The following MTF1 variants were observed in gnomAD, a reference collection of about 807,000 sequenced individuals.
MTF1 encodes the protein metal regulatory transcription factor 1, also known as MRE-binding transcription factor.
MTF1 carries 22 observed loss-of-function variants against 70.4 expected under a neutral mutation model. The observed-to-expected ratio is 0.31, with a 90% confidence interval of 0.22 to 0.45. MTF1 has a LOEUF of 0.45. MTF1 is among the 20% of genes least tolerant of loss of function. The probability of loss-of-function intolerance (pLI) is 1.00; values close to 1 mark genes in which losing one functional copy is unlikely to be tolerated. For synonymous variants in MTF1, 333 were observed against 352.8 expected, an observed-to-expected ratio of 0.94 and a Z score of 0.63; for missense variants, 649 against 922.0, an observed-to-expected ratio of 0.70 and a Z score of 3.83.
chr1:37,845,969 A>C (rs941503873), intron 2 of MTF1, among the ~76,000 whole-genome samples: 8 of 152,152 alleles, frequency 5.3e-5, no homozygotes, highest in Admixed American at 5.2e-4. Context: ...AATAGCACAA[A>C]ATTTCACAAA....
Position 37,811,388 on chromosome 1 carries a change from G to A in MTF1, c.*3748C>T, listed in dbSNP as rs1201737854. On this transcript the variant is annotated 3_prime_UTR_variant, in exon 11 of 11. Transcript: ENST00000373036. ...CCAGGCCAGGGCCACATGGGACAAC[G>A]ACCATCAAGCTACACATATTGCACC... The A allele has an allele frequency of 1.3e-5, 2 of 152,612 alleles. No individual in the cohort carries two copies. The highest frequency in any genetic ancestry group is 1.3e-4 in the Admixed American group (2 of 15,286). The allele number at this position is 152,612 out of a possible 1,614,324, so 9.5% of individuals were successfully genotyped here.
intron 7 of MTF1, chr1:37,826,461 T>G: frequency 2.6e-6 from 1 of 390,766 alleles, no homozygotes; most frequent in Non-Finnish European, 5.0e-6. Flanking sequence ...TTAAAAATTA[T>G]TTTTAGTAGA....
chr1:37,829,578 C>G (rs1430993678), intron 7 of MTF1, among the ~76,000 whole-genome samples: 1 of 151,904 alleles, frequency 6.6e-6, no homozygotes, highest in Admixed American at 6.6e-5. Context: ...GTCAGGAGAT[C>G]GAGACCATCC....
At chr1:37,825,386 C>G (rs550357459) in intron 7 of MTF1, among the ~76,000 whole-genome samples, 1 of 152,040 alleles carries the variant, frequency 6.6e-6, no homozygotes, top group South Asian at 2.1e-4. Context: ...CAGGTATGGG[C>G]CACCACATCT....
chr1:37,840,261 C>G lies in MTF1; in HGVS notation c.409-103G>C. The G allele has an allele frequency of 9.5e-7, 1 of 1,054,320 alleles. No homozygotes were observed. Among genetic ancestry groups the G allele is most frequent in the Non-Finnish European group, 1.4e-6 (1 of 704,290 alleles). The allele number at this position is 1,054,320 out of a possible 1,614,324, so 65.3% of individuals were successfully genotyped here. A position where few individuals can be genotyped will look rare whatever the true frequency, so the allele number is the denominator to read the frequency against. On this transcript the variant is annotated intron_variant, in intron 2 of 10. Coordinates refer to ENST00000373036, the MANE Select transcript of MTF1 (RefSeq NM_005955.3). The surrounding 1 kb of genome is among the most constrained non-coding windows in gnomAD (Gnocchi z 4.5). ...CCAAGAGATGCTGTGGACAATACAA[C>G]TGGGTTTTCATCATAAACACAGAAA...
chr1:37,833,359 CTG>C (rs1335760353), intron 6 of MTF1, among the ~76,000 whole-genome samples: 4 of 152,230 alleles, frequency 2.6e-5, no homozygotes, highest in Non-Finnish European at 5.9e-5. Flanking sequence ...CCTTCCACCA[CTG>C]TGTTTCCCAC....
Position 37,851,157 on chromosome 1 carries a change from T to G in MTF1, c.408+6094A>C, listed in dbSNP as rs143481209. The stretch of plus-strand genomic sequence containing the variant: ...TGAATGTCTGGTCATTAAGCAAGAT[T>G]TTCGAAGACTAAAGCTACTGCTACT... On this transcript the variant is annotated intron_variant, in intron 2 of 10. Transcript: ENST00000373036. 2.8e-4 allele frequency among the ~76,000 whole-genome samples: 43 copies of G among 152,240 alleles called. No homozygotes were observed. The East Asian group carries it at 7.0e-3, about 25-fold the overall frequency.
rs376461410 is a variant in MTF1 at position 37,822,477 on chromosome 1, G to A, written c.1411C>T (p.Pro471Ser). 6.2e-7 allele frequency: 1 copy of A among 1,614,080 alleles called. No homozygotes were observed. The highest frequency in any genetic ancestry group is 1.1e-5 in the South Asian group (1 of 91,080). Residue 471 changes from proline to serine, a missense_variant, in exon 9 of 11, where the codon CCT becomes TCT. Around this residue, in one of 7 missense-constraint regions of MTF1, gnomAD observed 267 missense variants for 292.1 expected, o/e 0.91. Transcript: ENST00000373036. ...PPALLQPPEV[P>S]VPHSTQFAAN... ...GCAAACTGTGTGCTGTGGGGAACAG[G>A]CACTTCTGGAGGTTGTAAGAGAGCA...
rs1302494975 is a variant in MTF1, at chr1:37,823,694, A to G, written c.1171+16T>C. 1.9e-6 allele frequency: 3 copies of G among 1,581,520 alleles called. No individual in the cohort carries two copies. Among genetic ancestry groups the G allele is most frequent in the Non-Finnish European group, 2.6e-6 (3 of 1,150,442 alleles). On this transcript the variant is annotated intron_variant, in intron 8 of 10. Transcript: ENST00000373036. Reference sequence around the variant, plus strand: ...CAAGTGCTTAGATGTGAGTAGAAAGAGTCCGTGTGACAAACCTGTCTGTTG... The same window carrying G: ...CAAGTGCTTAGATGTGAGTAGAAAGGGTCCGTGTGACAAACCTGTCTGTTG...
chr1:37,841,996 G>C (rs1040066037), intron 2 of MTF1, among the ~76,000 whole-genome samples: 2 of 151,676 alleles, frequency 1.3e-5, no homozygotes. Flanking sequence ...GATTGCTACT[G>C]CACTCCAGCT....
rs781618362 is a variant in MTF1 at position 37,840,334 on chromosome 1, T to C, written c.409-176A>G. 5.1e-4 allele frequency among the ~76,000 whole-genome samples: 78 copies of C among 152,220 alleles called. 1 individual carries two copies. Among genetic ancestry groups the C allele is most frequent in the Admixed American group, 4.6e-4 (7 of 15,288 alleles). On this transcript the variant is annotated intron_variant, in intron 2 of 10. Transcript: ENST00000373036. The surrounding 1 kb of genome is among the most constrained non-coding windows in gnomAD (Gnocchi z 4.5). ...AAAAACCTTATTGTTGATCAAATCA[T>C]ACCTGGACAACACATAATGATTTAT...
At chr1:37,836,798 G>T (rs1243731026) in intron 4 of MTF1, among the ~76,000 whole-genome samples, 1 of 151,976 alleles carries the variant, frequency 6.6e-6, no homozygotes. Context: ...CTTCTCTAAA[G>T]CATTTTCATT....
Position 37,809,683 on chromosome 1 carries a change from T to A in MTF1, c.*5453A>T, listed in dbSNP as rs1317852305. The A allele has an allele frequency of 6.5e-6, 1 of 152,990 alleles. No homozygotes were observed. The highest frequency in any genetic ancestry group is 6.5e-5 in the Admixed American group (1 of 15,300). The allele number at this position is 152,990 out of a possible 1,614,324, so 9.5% of individuals were successfully genotyped here. A position where few individuals can be genotyped will look rare whatever the true frequency, so the allele number is the denominator to read the frequency against. On this transcript the variant is annotated 3_prime_UTR_variant, in exon 11 of 11. Transcript: ENST00000373036. The stretch of plus-strand genomic sequence containing the variant: ...GATATTTTAAAGTACAATATTAAGT[T>A]TATACAAAATGAGCAATTAAGCAAA...
chr1:37,828,173 TAAA>T (rs554470681), intron 7 of MTF1: 4 of 317,314 alleles, frequency 1.3e-5, no homozygotes, highest in African/African-American at 3.4e-5. Flanking sequence ...ATAAAAGCAT[TAAA>T]AAAAAAAAAA....
chr1:37,845,372 A>G (rs1641317179), intron 2 of MTF1, among the ~76,000 whole-genome samples: 1 of 152,198 alleles, frequency 6.6e-6, no homozygotes, highest in South Asian at 2.1e-4. Context: ...AACAGAAGTG[A>G]GAAAGTGAGA....
chr1:37,816,651 G>A (rs892522061), intron 10 of MTF1, among the ~76,000 whole-genome samples: 3 of 149,680 alleles, frequency 2.0e-5, no homozygotes, highest in Non-Finnish European at 3.0e-5. Context: ...GTCCAGCCTG[G>A]GCAACAGAAC....
rs567806498 is a variant in MTF1 at position 37,831,817 on chromosome 1, A to C, written c.1068+428T>G. On this transcript the variant is annotated intron_variant, in intron 7 of 10. Transcript: ENST00000373036. ...AATAAATAAATAAAATTAAAATGAA[A>C]AAGGAAAAGACCAAGCCAGGTCATA... is the stretch of plus-strand genomic sequence containing the variant. 3.3e-5 allele frequency among the ~76,000 whole-genome samples: 5 copies of C among 152,292 alleles called. No homozygotes were observed. The East Asian group carries it at 5.8e-4, about 18-fold the overall frequency.
chr1:37,850,564 G>GAA (rs1375261423), intron 2 of MTF1, among the ~76,000 whole-genome samples: 1 of 148,248 alleles, frequency 6.7e-6, no homozygotes, highest in African/African-American at 2.6e-5. Context: ...AAGGGAGAGA[G>GAA]AAAGAGAGAG....
chr1:37,815,229 G>A lies in MTF1; in HGVS notation c.2169C>T (p.Leu723=). Residue 723 remains leucine, a synonymous_variant, in exon 11 of 11, where the codon CTC becomes CTT. Coordinates refer to ENST00000373036, the MANE Select transcript of MTF1 (RefSeq NM_005955.3). This position sits in a 1 kb window ranked among gnomAD's most constrained non-coding sequence, Gnocchi z 4.5. ...GATTGGACGGGGTGTCCAGGCTCTGGAGGGATAGAAACTCTGACACATCCA... is the reference window on the plus strand; with the variant it reads ...GATTGGACGGGGTGTCCAGGCTCTGAAGGGATAGAAACTCTGACACATCCA... ...SAMDVSEFLS[L]QSLDTPSNLI... 6.2e-7 allele frequency: 1 copy of A among 1,614,202 alleles called. No individual in the cohort carries two copies. The highest frequency in any genetic ancestry group is 1.1e-5 in the South Asian group (1 of 91,090).
Sources: allele counts gnomAD v4.1 joint callset (sites outside exome capture counted in the v4.1 genomes callset), GRCh38; gene constraint gnomAD v4.1.1; regional missense constraint gnomAD v4.1.1; non-coding constraint Gnocchi (gnomAD v3.1); transcripts MANE v1.5; gene names NCBI Gene and HGNC (gene_info 2026-07-23, HGNC 2026-07-21).